Variants in CACHD1 observed in about 807,000 individuals in gnomAD.
CACHD1 encodes the protein VWFA and cache domain-containing protein 1.
Under a neutral mutation model 138.7 loss-of-function variants are expected in CACHD1, and 71 were observed. The observed-to-expected ratio is 0.51, with a 90% CI of 0.42 to 0.62. The LOEUF (loss-of-function observed/expected upper bound fraction) is 0.62. Among genes scored for constraint, CACHD1 ranks in the 20% least tolerant of loss-of-function variants. The probability of loss-of-function intolerance (pLI) is 0.00; values close to 1 mark genes in which losing one functional copy is unlikely to be tolerated. For missense variants in CACHD1, 1,389 were observed against 1,625.3 expected (o/e 0.85, Z 2.50); for synonymous variants, 578 against 591.5 (o/e 0.98, Z 0.33).
chr1:64,603,417 T>TCTA (rs1288488958), intron 4 of CACHD1, among the ~76,000 whole-genome samples: 1 of 152,176 alleles, frequency 6.6e-6, no homozygotes, highest in African/African-American at 2.4e-5. Context: ...ATCTTAAGCT[T>TCTA]CTACTAGATA....
At chr1:64,501,013 C>T (rs1318498238) in intron 1 of CACHD1, among the ~76,000 whole-genome samples, 2 of 149,794 alleles carry the variant, frequency 1.3e-5, no homozygotes, top group Non-Finnish European at 3.0e-5. Flanking sequence ...TGCACCATTG[C>T]ACTCCAGCTG....
At chr1:64,656,053 G>A (rs1649252365) in intron 12 of CACHD1, among the ~76,000 whole-genome samples, 1 of 152,202 alleles carries the variant, frequency 6.6e-6, no homozygotes, top group Non-Finnish European at 1.5e-5. Context: ...CAGTGTCTGT[G>A]CCTGTATCAG....
At chr1:64,668,015 A>G (rs1391458577) in intron 16 of CACHD1, among the ~76,000 whole-genome samples, 1 of 152,200 alleles carries the variant, frequency 6.6e-6, no homozygotes, top group Non-Finnish European at 1.5e-5. Context: ...TGGAAATATG[A>G]TGGACTTTCA....
Position 64,602,796 on chromosome 1 carries a change from A to G in CACHD1, c.411-10A>G, listed in dbSNP as rs943988425. ...GAATAAGTATTGCTAATTCTCTCCT[A>G]TTGTTTCAGATTCGATGGGAACTTT... On this transcript the variant is annotated splice_polypyrimidine_tract_variant and intron_variant, in intron 3 of 26. Transcript: ENST00000651257. The G allele has an allele frequency of 1.3e-6, 2 of 1,583,052 alleles. No homozygotes were observed. Among genetic ancestry groups the G allele is most frequent in the Non-Finnish European group, 1.7e-6 (2 of 1,152,052 alleles).
At chr1:64,546,437 T>A (rs1646718918) in intron 1 of CACHD1, among the ~76,000 whole-genome samples, 1 of 151,962 alleles carries the variant, frequency 6.6e-6, no homozygotes, top group South Asian at 2.1e-4. Context: ...TGGGCTCAAG[T>A]GATCCTCCCA....
intron 1 of CACHD1, among the ~76,000 whole-genome samples, chr1:64,487,972 G>A (rs981564163): frequency 6.6e-6 from 1 of 152,128 alleles, no homozygotes; most frequent in Non-Finnish European, 1.5e-5. Flanking sequence ...GTAGCTGGTG[G>A]TAGATGCTTT....
intron 3 of CACHD1, among the ~76,000 whole-genome samples, chr1:64,602,579 T>C (rs1288579302): frequency 2.0e-5 from 3 of 151,322 alleles, no homozygotes; most frequent in Admixed American, 6.6e-5. Flanking sequence ...ATTTGAAGAA[T>C]GGTTGTTTTT....
chr1:64,566,488 CCCA>C (rs1646883054), intron 2 of CACHD1, among the ~76,000 whole-genome samples: 2 of 144,574 alleles, frequency 1.4e-5, no homozygotes, highest in South Asian at 2.4e-4. Flanking sequence ...TTCCCCCCCC[CCCA>C]CAAGGTATGG....
chr1:64,624,126 G>A (rs887389108), intron 4 of CACHD1, among the ~76,000 whole-genome samples: 9 of 152,154 alleles, frequency 5.9e-5, no homozygotes, highest in African/African-American at 2.2e-4. Context: ...CTGGGCCCAC[G>A]GGGCCTCATT....
chr1:64,679,572 ATCT>A lies in CACHD1; in HGVS notation c.3245-18_3245-16del, dbSNP rs1650102141. On this transcript the variant is annotated intron_variant, in intron 23 of 26. Transcript: ENST00000651257. ...CACTTGGGAAATCTTAACAAGAAAC[ATCT>A]TCTTGCTCTTTCACTGAAGGTGATG... is the stretch of plus-strand genomic sequence containing the variant. The A allele has an allele frequency of 1.5e-5, 24 of 1,611,728 alleles. No individual in the cohort carries two copies. Among genetic ancestry groups the A allele is most frequent in the East Asian group, 1.3e-4 (6 of 44,836 alleles).
At chr1:64,523,010 A>G (rs1048083992) in intron 1 of CACHD1, among the ~76,000 whole-genome samples, 5 of 152,228 alleles carry the variant, frequency 3.3e-5, no homozygotes, top group Non-Finnish European at 7.3e-5. Context: ...CAAAAGCATA[A>G]GTAGCCATGA....
intron 26 of CACHD1, among the ~76,000 whole-genome samples, chr1:64,689,564 A>G (rs1430822340): frequency 6.6e-6 from 1 of 151,926 alleles, no homozygotes; most frequent in Admixed American, 6.6e-5. Flanking sequence ...CCATCCTCTA[A>G]ACACAAATGA....
At chr1:64,581,139 G>A (rs1163051150) in intron 2 of CACHD1, among the ~76,000 whole-genome samples, 1 of 152,070 alleles carries the variant, frequency 6.6e-6, no homozygotes, top group African/African-American at 2.4e-5. Context: ...TTATTTAATT[G>A]AGACCCTGAA....
intron 25 of CACHD1, among the ~76,000 whole-genome samples, chr1:64,681,541 G>GGGTTTTT (rs1553146851): frequency 2.9e-5 from 2 of 68,132 alleles, no homozygotes; most frequent in African/African-American, 1.5e-4. Flanking sequence ...ATTTTATTGT[G>GGGTTTTT]TTTTTTTTTT....
rs370129207 is a variant in CACHD1, at chr1:64,543,866, C to CTTTTTTT, written c.199-6711_199-6705dup. 1.4e-3 allele frequency among the ~76,000 whole-genome samples: 108 copies of CTTTTTTT among 77,478 alleles called. 2 individuals are homozygous for CTTTTTTT. The highest frequency in any genetic ancestry group is 2.2e-3 in the East Asian group (5 of 2,300). 50.8% of individuals were successfully genotyped at this position (77,478 alleles called of 152,430 possible). A position where few individuals can be genotyped will look rare whatever the true frequency, so the allele number is the denominator to read the frequency against. On this transcript the variant is annotated intron_variant, in intron 1 of 26. Coordinates refer to ENST00000651257, the MANE Select transcript of CACHD1 (RefSeq NM_020925.4). The stretch of plus-strand genomic sequence containing the variant: ...GTTTTCATTAATTACCTTTTCAGTG[C>CTTTTTTT]TTTTTTTTTTTTTTTTTTTTTTTGG...
intron 26 of CACHD1, among the ~76,000 whole-genome samples, chr1:64,684,928 G>T (rs1427745159): frequency 3.3e-5 from 5 of 152,114 alleles, no homozygotes; most frequent in South Asian, 2.1e-4. Flanking sequence ...TCCTGCTTCA[G>T]CCTCCCAAGT....
intron 1 of CACHD1, among the ~76,000 whole-genome samples, chr1:64,517,800 C>T (rs369374017): frequency 5.3e-5 from 8 of 152,318 alleles, no homozygotes; most frequent in African/African-American, 1.9e-4. Context: ...CCCGATTACT[C>T]TTCTTTCTCC....
intron 1 of CACHD1, among the ~76,000 whole-genome samples, chr1:64,480,886 C>CTTTTTT (rs530847374): frequency 3.7e-4 from 52 of 140,586 alleles, no homozygotes; most frequent in African/African-American, 1.2e-3. Flanking sequence ...CTCTCTCTCC[C>CTTTTTT]TTTTTTTTTT....
At chr1:64,662,496 C>T (rs1214575903) in intron 13 of CACHD1, among the ~76,000 whole-genome samples, 1 of 152,154 alleles carries the variant, frequency 6.6e-6, no homozygotes, top group Non-Finnish European at 1.5e-5. Flanking sequence ...CAAGCTATTT[C>T]TACAGATTAC....
Sources: gnomAD v4.1 joint callset for allele counts (sites outside exome capture counted in the v4.1 genomes callset) on GRCh38, gnomAD v4.1.1 for gene constraint, MANE v1.5 for transcripts, NCBI Gene and HGNC (gene_info 2026-07-23, HGNC 2026-07-21) for gene names.